PASD1: variants seen among roughly 807,000 people sequenced by gnomAD.
The protein encoded by PASD1 is PAS domain containing repressor 1.
PASD1 carries 13 observed loss-of-function variants against 58.8 expected under a neutral mutation model. The observed-to-expected ratio is 0.22, with a 90% CI of 0.14 to 0.35. The LOEUF is 0.35. Among genes scored for constraint, PASD1 ranks in the 10% least tolerant of loss-of-function variants. The probability of loss-of-function intolerance (pLI) is 1.00; values close to 1 mark genes in which losing one functional copy is unlikely to be tolerated. For synonymous variants in PASD1, 236 were observed against 216.7 expected, an observed-to-expected ratio of 1.09 and a Z score of -0.78; for missense variants, 734 against 568.3, an observed-to-expected ratio of 1.29 and a Z score of -2.96.
At chrX:151,663,717 T>C (rs1297080995) in intron 10 of PASD1, among the ~76,000 whole-genome samples, 1 of 112,163 alleles carries the variant, frequency 8.9e-6, no homozygotes, top group South Asian at 3.8e-4. Context: ...TCATAACACC[T>C]CCCAGAGAAC....
intron 9 of PASD1, among the ~76,000 whole-genome samples, chrX:151,652,859 T>C (rs2014149938): frequency 9.2e-6 from 1 of 108,168 alleles, no homozygotes; most frequent in African/African-American, 3.3e-5. Flanking sequence ...AGAGTAGGTA[T>C]TGATGAAGTC....
rs200236956 is a variant in PASD1 at position 151,672,226 on chromosome X, G to A, written c.1481G>A (p.Arg494Gln). The A allele has an allele frequency of 3.2e-5, 36 of 1,135,988 alleles. No homozygotes were observed. Among genetic ancestry groups the A allele is most frequent in the African/African-American group, 7.3e-5 (4 of 54,756 alleles). 93.6% of individuals were successfully genotyped at this position (1,135,988 alleles called of 1,213,427 possible). A position where few individuals can be genotyped will look rare whatever the true frequency, so the allele number is the denominator to read the frequency against. ...QQEQHLKEQQ[R>Q]QLREQLQQLR... The stretch of plus-strand genomic sequence containing the variant: ...GAACAACACCTGAAGGAGCAGCAGC[G>A]GCAGCTGCGGGAGCAGCTGCAACAG... The change falls in exon 14 of 16, where the codon CGG (arginine) becomes CAG (glutamine). Residue 494 changes from arginine to glutamine, a missense_variant. Coordinates refer to ENST00000370357, the MANE Select transcript of PASD1 (RefSeq NM_173493.3).
chrX:151,614,888 C>A (rs1229267924), intron 4 of PASD1, among the ~76,000 whole-genome samples: 2 of 111,825 alleles, frequency 1.8e-5, no homozygotes, highest in Non-Finnish European at 3.8e-5. Context: ...TTCTCATTCT[C>A]TTTCATTTTT....
intron 4 of PASD1, 106 bp from the exon 5 acceptor site, chrX:151,620,824 G>T: frequency 2.2e-6 from 1 of 464,467 alleles, no homozygotes; most frequent in Non-Finnish European, 3.7e-6. Context: ...GCTCACTGGA[G>T]GTAAGGAGAT....
intron 8 of PASD1, among the ~76,000 whole-genome samples, chrX:151,648,025 A>G (rs1226097073): frequency 3.6e-5 from 4 of 111,423 alleles, no homozygotes; most frequent in African/African-American, 1.3e-4. Context: ...CAATAACAGA[A>G]TCTCAGTTAT....
chrX:151,673,862 A>ACGTGAGT (rs2014508889), intron 14 of PASD1, 66 bp from the exon 15 acceptor site: 1 of 1,164,520 alleles, frequency 8.6e-7, no homozygotes, highest in African/African-American at 1.8e-5. Flanking sequence ...ACTGATGACC[A>ACGTGAGT]CGTGAGTGTC....
chrX:151,599,523 G>C (rs977878419), intron 1 of PASD1, among the ~76,000 whole-genome samples: 1 of 111,660 alleles, frequency 9.0e-6, no homozygotes, highest in Non-Finnish European at 1.9e-5. Flanking sequence ...CGGCTGCCGG[G>C]TGGAGGGGCT....
At chrX:151,661,149 C>T (rs781688307) in intron 10 of PASD1, among the ~76,000 whole-genome samples, 1 of 91,355 alleles carries the variant, frequency 1.1e-5, no homozygotes, top group African/African-American at 4.1e-5. Context: ...AGCAAGACTC[C>T]GTCTCAAAAA....
At chrX:151,580,730 A>G (rs1176212632) in intron 1 of PASD1, among the ~76,000 whole-genome samples, 1 of 110,542 alleles carries the variant, frequency 9.0e-6, no homozygotes, top group African/African-American at 3.3e-5. Context: ...ATATGGAAAG[A>G]TGTTCATGGT....
intron 8 of PASD1, among the ~76,000 whole-genome samples, chrX:151,636,290 G>A (rs900508779): frequency 2.1e-4 from 24 of 111,923 alleles, no homozygotes; most frequent in Non-Finnish European, 4.3e-4. Flanking sequence ...AATTTGTTAC[G>A]TATTTTCCTT....
rs189674543 is a variant in PASD1, at chrX:151,587,907, T to C, written c.-27-13620T>C. Among the ~76,000 whole-genome samples the C allele has an allele frequency of 3.4e-3, 385 of 112,158 alleles. 4 individuals are homozygous for C. Among genetic ancestry groups the C allele is most frequent in the African/African-American group, 0.012 (368 of 30,871 alleles). On this transcript the variant is annotated intron_variant, in intron 1 of 15. Coordinates refer to ENST00000370357, the MANE Select transcript of PASD1 (RefSeq NM_173493.3). ...AACTGATAAAATATTGTCTTATGAGTTGTAATTTTTGAAGGAATTTTGATT... is the reference window on the plus strand; with the variant it reads ...AACTGATAAAATATTGTCTTATGAGCTGTAATTTTTGAAGGAATTTTGATT...
At chrX:151,581,202 TA>T (rs2013085323) in intron 1 of PASD1, among the ~76,000 whole-genome samples, 1 of 56,732 alleles carries the variant, frequency 1.8e-5, no homozygotes, top group African/African-American at 6.0e-5. Flanking sequence ...CACTCCAGCC[TA>T]GGCAACAGAG....
rs750896410 is a variant in PASD1, at chrX:151,599,016, T to C, written c.-27-2511T>C. ...CTGGGTACTTGAGATTAGGGAGTGG[T>C]GATGACTCTTAACCAGTATGCTGCC... On this transcript the variant is annotated intron_variant, in intron 1 of 15. Coordinates refer to ENST00000370357, the MANE Select transcript of PASD1 (RefSeq NM_173493.3). Among the ~76,000 whole-genome samples the C allele has an allele frequency of 4.0e-3, 445 of 111,456 alleles. 1 individual carries two copies. The highest frequency in any genetic ancestry group is 0.014 in the African/African-American group (414 of 30,552).
chrX:151,599,514 G>A (rs762704032), intron 1 of PASD1, among the ~76,000 whole-genome samples: 4 of 105,090 alleles, frequency 3.8e-5, no homozygotes, highest in Non-Finnish European at 7.7e-5. Context: ...CAGACGGGGC[G>A]GCTGCCGGGT....
At position 151,676,333 on chromosome X, in the gene PASD1, T is replaced by C; in HGVS notation, c.*190T>C. On this transcript the variant is annotated 3_prime_UTR_variant, in exon 16 of 16. Coordinates refer to ENST00000370357, the MANE Select transcript of PASD1 (RefSeq NM_173493.3). ...AGCACAGCCTGTTTCTTGGAAGTTA[T>C]GCTGTAGAGGCAGCCTGTGATCCGT... The C allele has an allele frequency of 2.3e-6, 1 of 436,157 alleles. No individual in the cohort carries two copies. The highest frequency in any genetic ancestry group is 4.8e-5 in the Admixed American group (1 of 20,839). 35.9% of individuals were successfully genotyped at this position (436,157 alleles called of 1,213,427 possible). A position where few individuals can be genotyped will look rare whatever the true frequency, so the allele number is the denominator to read the frequency against.
chrX:151,582,391 C>T (rs2013111399), intron 1 of PASD1, among the ~76,000 whole-genome samples: 1 of 111,237 alleles, frequency 9.0e-6, no homozygotes, highest in Admixed American at 9.6e-5. Context: ...AAGTGATCCT[C>T]CTGCCTCAGC....
chrX:151,626,807 G>C (rs1039474955), intron 8 of PASD1, among the ~76,000 whole-genome samples: 12 of 111,756 alleles, frequency 1.1e-4, no homozygotes, highest in Admixed American at 1.0e-3. Flanking sequence ...TTACTATTCG[G>C]GGGCAGGAGG....
At chrX:151,606,582 T>C (rs1028594001) in intron 3 of PASD1, among the ~76,000 whole-genome samples, 1 of 110,969 alleles carries the variant, frequency 9.0e-6, no homozygotes, top group Non-Finnish European at 1.9e-5. Flanking sequence ...ATAATGATGT[T>C]GATCCCTTTT....
intron 3 of PASD1, among the ~76,000 whole-genome samples, chrX:151,606,146 C>T (rs2013486492): frequency 1.8e-5 from 2 of 108,706 alleles, no homozygotes; most frequent in Non-Finnish European, 3.8e-5. Flanking sequence ...TTTTCCCCTC[C>T]ATTAGGCTTT....
Sources: allele counts gnomAD v4.1 joint callset (sites outside exome capture counted in the v4.1 genomes callset), GRCh38; gene constraint gnomAD v4.1.1; transcripts MANE v1.5; gene names NCBI Gene and HGNC (gene_info 2026-07-23, HGNC 2026-07-21).